GPR19: variants seen among roughly 807,000 people sequenced by gnomAD.
GPR19 encodes probable G protein-coupled receptor 19.
In GPR19, 14 loss-of-function variants were observed where a neutral mutation model predicts 28.5. The observed-to-expected ratio is 0.49, with a 90% confidence interval of 0.32 to 0.77. The LOEUF (loss-of-function observed/expected upper bound fraction) is 0.77, where lower values mean the gene tolerates loss of function less well. Ranked by LOEUF, GPR19 falls within the 30% of genes least tolerant of loss-of-function variation. The pLI, the probability that GPR19 is intolerant of heterozygous loss-of-function variation, is 0.03. For synonymous variants in GPR19, 173 were observed against 184.1 expected, an observed-to-expected ratio of 0.94 and a Z score of 0.49; for missense variants, 409 against 504.1, an observed-to-expected ratio of 0.81 and a Z score of 1.81.
the GPR19 span, among the ~76,000 whole-genome samples, chr12:12,701,795 G>T: frequency 6.6e-6 from 1 of 151,880 alleles, no homozygotes; most frequent in South Asian, 2.1e-4. Flanking sequence ...GCTGGGTGTG[G>T]TGGTGCGTGC....
chr12:12,675,594 C>A (rs7309378), intron 3 of GPR19, among the ~76,000 whole-genome samples: 23,236 of 152,132 alleles, frequency 0.15, 2,051 homozygotes, highest in Admixed American at 0.26. Flanking sequence ...ATGCAGGGAA[C>A]TTTCTCTGGC....
At chr12:12,677,949 C>T (rs1049085020) in intron 3 of GPR19, among the ~76,000 whole-genome samples, 1 of 151,838 alleles carries the variant, frequency 6.6e-6, no homozygotes, top group Non-Finnish European at 1.5e-5. Flanking sequence ...TGGTGGGCGC[C>T]TGTAATCCCA....
chr12:12,669,742 T>C (rs545478066), intron 3 of GPR19, among the ~76,000 whole-genome samples: 1 of 152,300 alleles, frequency 6.6e-6, no homozygotes, highest in South Asian at 2.1e-4. Flanking sequence ...CCACTTCCAG[T>C]AGGGCAGGGC....
intron 3 of GPR19, among the ~76,000 whole-genome samples, chr12:12,667,326 A>T (rs962396314): frequency 6.6e-6 from 1 of 152,158 alleles, no homozygotes; most frequent in Non-Finnish European, 1.5e-5. Context: ...TTATCCTATT[A>T]TCTACTTCTC....
At chr12:12,694,449 G>A (rs909284571) in intron 2 of GPR19, among the ~76,000 whole-genome samples, 1 of 149,966 alleles carries the variant, frequency 6.7e-6, no homozygotes, top group Admixed American at 6.6e-5. Flanking sequence ...GTTGTGATCC[G>A]ACCGCCTCAG....
intron 2 of GPR19, chr12:12,688,788 G>A (rs1407329807): frequency 1.3e-5 from 2 of 152,268 alleles, no homozygotes; most frequent in Admixed American, 1.3e-4. Context: ...TGCCAGGGGA[G>A]GTGGCCAATA....
chr12:12,661,418 GTC>G lies in GPR19; in HGVS notation c.1029_1030del (p.Glu343AspfsTer48). The G allele has an allele frequency of 1.2e-6, 2 of 1,612,852 alleles. No homozygotes were observed. The highest frequency in any genetic ancestry group is 1.7e-6 in the Non-Finnish European group (2 of 1,178,836). ...ACATTTCATAGAGGACATGCAAAAAGTCTCTTTCATCCCTCTCCGAAAATTGG... is the reference window on the plus strand; with the variant it reads ...ACATTTCATAGAGGACATGCAAAAAGTCTTTCATCCCTCTCCGAAAATTGG... On this transcript the variant is annotated frameshift_variant, in exon 4 of 4. Transcript: ENST00000651487. LOFTEE classifies it high-confidence loss of function. This position sits in a 1 kb window ranked among gnomAD's most constrained non-coding sequence, Gnocchi z 4.2.
intron 2 of GPR19, among the ~76,000 whole-genome samples, chr12:12,689,214 A>G (rs766932428): frequency 2.0e-4 from 30 of 152,224 alleles, no homozygotes; most frequent in Non-Finnish European, 3.7e-4. Flanking sequence ...CCAAGACATG[A>G]GGGATCTGTC....
chr12:12,672,992 A>C (rs938794459), intron 3 of GPR19, among the ~76,000 whole-genome samples: 3 of 152,210 alleles, frequency 2.0e-5, no homozygotes, highest in Non-Finnish European at 2.9e-5. Context: ...AATGTCAATA[A>C]TTCAGAAATG....
intron 3 of GPR19, among the ~76,000 whole-genome samples, chr12:12,675,620 C>CA (rs757277583): frequency 2.2e-4 from 34 of 152,138 alleles, no homozygotes; most frequent in Middle Eastern, 3.2e-3. Flanking sequence ...CAGGAGAAGT[C>CA]AGAGAGACTC....
chr12:12,713,631 C>T, the GPR19 span, among the ~76,000 whole-genome samples: 17,724 of 152,124 alleles, frequency 0.12, 1,351 homozygotes, highest in Admixed American at 0.24. Context: ...CTCCTGTGTT[C>T]AAGTCATTAT....
At chr12:12,684,033 T>C (rs1366422304) in intron 3 of GPR19, 2 of 152,252 alleles carry the variant, frequency 1.3e-5, no homozygotes, top group African/African-American at 4.8e-5. Flanking sequence ...ACAGTGATGA[T>C]GAAACCTAGT....
chr12:12,685,265 CTTT>C (rs11412017), intron 2 of GPR19, among the ~76,000 whole-genome samples: 4 of 140,040 alleles, frequency 2.9e-5, no homozygotes, highest in Non-Finnish European at 3.1e-5. Context: ...TAAATATGGT[CTTT>C]TTTTTTTTTT....
intron 3 of GPR19, among the ~76,000 whole-genome samples, chr12:12,681,219 A>G (rs1946015437): frequency 2.0e-5 from 3 of 151,992 alleles, no homozygotes; most frequent in Non-Finnish European, 4.4e-5. Context: ...TCCCCTCCCT[A>G]CATACACCCT....
intron 3 of GPR19, among the ~76,000 whole-genome samples, chr12:12,680,305 C>G (rs971035958): frequency 6.6e-6 from 1 of 152,196 alleles, no homozygotes; most frequent in African/African-American, 2.4e-5. Flanking sequence ...TCTCTTTGAG[C>G]TTCAGTTTCC....
rs547893107 is a variant in GPR19, at chr12:12,669,457, C to T, written c.-22-6987G>A. 2.4e-4 allele frequency among the ~76,000 whole-genome samples: 37 copies of T among 152,298 alleles called. No homozygotes were observed. The South Asian group carries it at 4.6e-3, about 19-fold the overall frequency. ...AGTTGTTTAAATTCAAGAAATACCA[C>T]GGTACGGAGATTTTAAGGTAAACCC... On this transcript the variant is annotated intron_variant, in intron 3 of 3. Transcript: ENST00000651487.
chr12:12,709,473 C>T, the GPR19 span, among the ~76,000 whole-genome samples: 3 of 152,204 alleles, frequency 2.0e-5, no homozygotes, highest in Admixed American at 6.5e-5. Context: ...CAGGGTCTCA[C>T]TCTGTTGCCC....
At chr12:12,689,430 C>T (rs932683114) in intron 2 of GPR19, among the ~76,000 whole-genome samples, 2 of 152,064 alleles carry the variant, frequency 1.3e-5, no homozygotes, top group African/African-American at 4.8e-5. Context: ...TAATTATACC[C>T]CCACTTCCCC....
chr12:12,717,065 C>T, the GPR19 span: 2 of 1,008,218 alleles, frequency 2.0e-6, no homozygotes, highest in East Asian at 1.5e-4. Context: ...AGCGCCGGGC[C>T]CCGAACCTCA....
Sources: allele counts gnomAD v4.1 joint callset (sites outside exome capture counted in the v4.1 genomes callset), GRCh38; gene constraint gnomAD v4.1.1; non-coding constraint Gnocchi (gnomAD v3.1); transcripts MANE v1.5; gene names NCBI Gene and HGNC (gene_info 2026-07-23, HGNC 2026-07-21).